NEGR1: variants seen among roughly 807,000 people sequenced by gnomAD.
NEGR1 encodes neuronal growth regulator 1.
Under a neutral mutation model 40.9 loss-of-function variants are expected in NEGR1, and 10 were observed. The ratio of observed to expected loss-of-function variants is 0.24; its 90% confidence interval spans 0.15 to 0.42. NEGR1 has a LOEUF of 0.42. NEGR1 is among the 10% of genes least tolerant of loss of function. The probability of loss-of-function intolerance (pLI) is 1.00; values close to 1 mark genes in which losing one functional copy is unlikely to be tolerated. For missense variants in NEGR1, 352 were observed against 438.9 expected (o/e 0.80, Z 1.77); for synonymous variants, 185 against 166.8 (o/e 1.11, Z -0.84).
intron 1 of NEGR1, among the ~76,000 whole-genome samples, chr1:71,956,544 C>T (rs1254928380): frequency 6.6e-6 from 1 of 151,838 alleles, no homozygotes; most frequent in Non-Finnish European, 1.5e-5. Context: ...TAACCTGAGA[C>T]ATTATTAGTA....
chr1:72,082,420 T>C (rs1648041079), intron 1 of NEGR1, among the ~76,000 whole-genome samples: 1 of 152,160 alleles, frequency 6.6e-6, no homozygotes, highest in Non-Finnish European at 1.5e-5. Flanking sequence ...TAGTAGAGCT[T>C]ACTTATTGCT....
chr1:72,135,030 C>G (rs1207428035), intron 1 of NEGR1, among the ~76,000 whole-genome samples: 1 of 151,030 alleles, frequency 6.6e-6, no homozygotes, highest in East Asian at 2.0e-4. Flanking sequence ...AGCCACTGCG[C>G]CTGGCCCGAG....
At chr1:71,441,631 C>T (rs1457801885) in intron 6 of NEGR1, among the ~76,000 whole-genome samples, 3 of 152,098 alleles carry the variant, frequency 2.0e-5, no homozygotes, top group African/African-American at 7.2e-5. Flanking sequence ...TCCCTTTCTG[C>T]TCTGTATTAT....
At chr1:71,994,229 T>C (rs1215966122) in intron 1 of NEGR1, among the ~76,000 whole-genome samples, 1 of 152,010 alleles carries the variant, frequency 6.6e-6, no homozygotes, top group East Asian at 1.9e-4. Flanking sequence ...AAATATGAGG[T>C]ATAAAACTCA....
At chr1:72,120,522 T>A (rs896218908) in intron 1 of NEGR1, among the ~76,000 whole-genome samples, 5 of 150,898 alleles carry the variant, frequency 3.3e-5, no homozygotes, top group Admixed American at 1.3e-4. Context: ...TTCTTTTTTT[T>A]ATCATACTTT....
intron 2 of NEGR1, among the ~76,000 whole-genome samples, chr1:71,920,456 C>A (rs1240763357): frequency 2.0e-5 from 3 of 152,080 alleles, no homozygotes; most frequent in African/African-American, 7.2e-5. Context: ...ACTACTTCAC[C>A]CCAAAAGCTG....
At chr1:71,994,484 C>T (rs1646485229) in intron 1 of NEGR1, among the ~76,000 whole-genome samples, 2 of 150,876 alleles carry the variant, frequency 1.3e-5, no homozygotes, top group Admixed American at 1.3e-4. Flanking sequence ...GCCGAGATGG[C>T]ACTACCGCAC....
At chr1:72,108,674 T>C (rs1397144478) in intron 1 of NEGR1, among the ~76,000 whole-genome samples, 1 of 151,576 alleles carries the variant, frequency 6.6e-6, no homozygotes, top group Non-Finnish European at 1.5e-5. Context: ...GAAAGCATAA[T>C]TTACGGGAGA....
At chr1:71,578,077 T>A (rs1257652610) in intron 6 of NEGR1, among the ~76,000 whole-genome samples, 2 of 152,162 alleles carry the variant, frequency 1.3e-5, no homozygotes, top group African/African-American at 4.8e-5. Flanking sequence ...GCTGCGATAC[T>A]TCTTTCCTAA....
At chr1:71,879,950 C>T (rs1660536341) in intron 2 of NEGR1, among the ~76,000 whole-genome samples, 1 of 152,214 alleles carries the variant, frequency 6.6e-6, no homozygotes, top group Admixed American at 6.5e-5. Context: ...GAAATTGAAG[C>T]TTTCATATGA....
chr1:71,655,922 A>G (rs945038216), intron 4 of NEGR1, among the ~76,000 whole-genome samples: 8 of 152,196 alleles, frequency 5.3e-5, no homozygotes, highest in African/African-American at 7.2e-5. Context: ...CTTAGTAACA[A>G]TAAGTGTCAT....
intron 2 of NEGR1, among the ~76,000 whole-genome samples, chr1:71,875,232 C>A (rs1660391668): frequency 6.6e-6 from 1 of 152,156 alleles, no homozygotes; most frequent in Non-Finnish European, 1.5e-5. Flanking sequence ...AAATGCCAAT[C>A]TTGTACATAC....
At chr1:71,560,567 TCAACTC>T (rs1387858369) in intron 6 of NEGR1, among the ~76,000 whole-genome samples, 1 of 150,770 alleles carries the variant, frequency 6.6e-6, no homozygotes, top group Non-Finnish European at 1.5e-5. Context: ...CCAGCATATT[TCAACTC>T]CAAATTGTGT....
intron 1 of NEGR1, among the ~76,000 whole-genome samples, chr1:72,027,649 T>C (rs1385126879): frequency 6.6e-6 from 1 of 152,212 alleles, no homozygotes; most frequent in Non-Finnish European, 1.5e-5. Context: ...AATAAATTTG[T>C]TTTTAATGTT....
At chr1:72,075,362 C>T (rs1216127887) in intron 1 of NEGR1, among the ~76,000 whole-genome samples, 1 of 152,096 alleles carries the variant, frequency 6.6e-6, no homozygotes, top group African/African-American at 2.4e-5. Context: ...AGGTAGAGTC[C>T]TTTTACTCTA....
At chr1:71,479,210 T>G (rs754105843) in intron 6 of NEGR1, among the ~76,000 whole-genome samples, 2 of 152,046 alleles carry the variant, frequency 1.3e-5, no homozygotes, top group Non-Finnish European at 2.9e-5. Context: ...CAAGGGCTGA[T>G]TAGCTGTGCT....
chr1:71,813,746 G>C (rs910773955), intron 2 of NEGR1, among the ~76,000 whole-genome samples: 9 of 151,968 alleles, frequency 5.9e-5, no homozygotes, highest in Non-Finnish European at 8.8e-5. Flanking sequence ...TCTATTATTG[G>C]TGTATAGGGA....
At chr1:72,168,009 T>A (rs797018759) in intron 1 of NEGR1, among the ~76,000 whole-genome samples, 6 of 146,566 alleles carry the variant, frequency 4.1e-5, no homozygotes, top group Non-Finnish European at 9.1e-5. Context: ...ATTATTATTT[T>A]TTTTTTTTTT....
Position 71,945,554 on chromosome 1 carries a change from T to A in NEGR1, c.177-10243A>T, listed in dbSNP as rs545747897. 2.6e-5 allele frequency among the ~76,000 whole-genome samples: 4 copies of A among 152,136 alleles called. No individual in the cohort carries two copies. The South Asian group carries it at 8.3e-4, about 31-fold the overall frequency. The stretch of plus-strand genomic sequence containing the variant: ...TAATTTTATAGGTAGCTAATTGTCA[T>A]ATGTAAAAGTACTTCATTCATTTAC... On this transcript the variant is annotated intron_variant, in intron 1 of 6. Coordinates refer to ENST00000357731, the MANE Select transcript of NEGR1 (RefSeq NM_173808.3).
Sources: gnomAD v4.1 joint callset for allele counts (sites outside exome capture counted in the v4.1 genomes callset) on GRCh38, gnomAD v4.1.1 for gene constraint, MANE v1.5 for transcripts, NCBI Gene and HGNC (gene_info 2026-07-23, HGNC 2026-07-21) for gene names.